Variants in TAFA2 observed in about 807,000 individuals in gnomAD.
The protein encoded by TAFA2 is chemokine-like protein TAFA-2.
A neutral mutation model predicts 18.8 loss-of-function variants in TAFA2; 7 were observed. The observed-to-expected ratio is 0.37, with a 90% CI of 0.21 to 0.70. The LOEUF (loss-of-function observed/expected upper bound fraction) is 0.70. TAFA2 is among the 30% of genes least tolerant of loss of function. The pLI is 0.53. For synonymous variants in TAFA2, 60 were observed against 54.2 expected (o/e 1.11, Z -0.47); for missense variants, 122 against 158.1 (o/e 0.77, Z 1.23).
chr12:62,222,780 C>G (rs10877817), intron 1 of TAFA2, among the ~76,000 whole-genome samples: 23,829 of 151,736 alleles, frequency 0.16, 2,366 homozygotes, highest in East Asian at 0.35. Flanking sequence ...TCCCAAAGTG[C>G]TGGGATTACA....
At chr12:62,143,433 A>G (rs978200141) in intron 1 of TAFA2, among the ~76,000 whole-genome samples, 1 of 152,112 alleles carries the variant, frequency 6.6e-6, no homozygotes, top group African/African-American at 2.4e-5. Context: ...ATAAAACGGA[A>G]TTTTTTCCCC....
At chr12:62,251,952 C>A (rs2062916164) in intron 1 of TAFA2, 1 of 152,378 alleles carries the variant, frequency 6.6e-6, no homozygotes, top group Non-Finnish European at 1.5e-5. Flanking sequence ...TCACCCCATG[C>A]TCCACTCAGA....
intron 1 of TAFA2, among the ~76,000 whole-genome samples, chr12:61,971,145 C>T (rs1317525336): frequency 6.6e-6 from 1 of 151,472 alleles, no homozygotes; most frequent in Non-Finnish European, 1.5e-5. Context: ...ATATAGAATG[C>T]TCATTTGAAA....
Position 61,840,057 on chromosome 12 carries a change from G to C in TAFA2, c.106+27263C>G, listed in dbSNP as rs76070897. On this transcript the variant is annotated intron_variant, in intron 2 of 4. Transcript: ENST00000416284. ...GGAGCTCAGCTTCTCAGGATGTCTG[G>C]AGCAGAGAGCCCACAAAAGGCCAAG... is the stretch of plus-strand genomic sequence containing the variant. 5.5e-3 allele frequency among the ~76,000 whole-genome samples: 834 copies of C among 152,080 alleles called. 10 individuals are homozygous for C. Among genetic ancestry groups the C allele is most frequent in the African/African-American group, 0.019 (779 of 41,512 alleles).
At chr12:62,144,542 T>C (rs1473200159) in intron 1 of TAFA2, among the ~76,000 whole-genome samples, 1 of 152,196 alleles carries the variant, frequency 6.6e-6, no homozygotes, top group African/African-American at 2.4e-5. Flanking sequence ...ACCATTGTGG[T>C]AGTACACAAA....
chr12:62,199,374 A>T (rs928433149), intron 1 of TAFA2, among the ~76,000 whole-genome samples: 7 of 152,108 alleles, frequency 4.6e-5, no homozygotes, highest in African/African-American at 1.7e-4. Context: ...TGCCAACGCC[A>T]TCAGGCCCCT....
At chr12:61,933,409 G>C (rs1255158925) in intron 1 of TAFA2, among the ~76,000 whole-genome samples, 2 of 152,142 alleles carry the variant, frequency 1.3e-5, no homozygotes, top group Non-Finnish European at 2.9e-5. Flanking sequence ...CTCGAAACCA[G>C]GGCTAAAAGA....
chr12:61,996,147 A>G (rs1469895738), intron 1 of TAFA2, among the ~76,000 whole-genome samples: 1 of 152,172 alleles, frequency 6.6e-6, no homozygotes, highest in Non-Finnish European at 1.5e-5. Context: ...GCAGTCAAAT[A>G]ATAAAGAAGT....
intron 1 of TAFA2, among the ~76,000 whole-genome samples, chr12:62,081,145 A>C (rs1379317482): frequency 6.6e-6 from 1 of 152,176 alleles, no homozygotes; most frequent in Non-Finnish European, 1.5e-5. Flanking sequence ...CAGTGAACCG[A>C]GATCGCGCCA....
chr12:61,830,580 T>A (rs1872683026), intron 2 of TAFA2, among the ~76,000 whole-genome samples: 1 of 151,676 alleles, frequency 6.6e-6, no homozygotes, highest in African/African-American at 2.4e-5. Context: ...ATAATAGTCA[T>A]GGGAGACTCA....
At chr12:61,820,224 C>T (rs544962480) in intron 2 of TAFA2, among the ~76,000 whole-genome samples, 140 of 151,992 alleles carry the variant, frequency 9.2e-4, no homozygotes, top group Non-Finnish European at 5.9e-4. Context: ...ATTAACAAGA[C>T]AAGTTTATAA....
intron 1 of TAFA2, among the ~76,000 whole-genome samples, chr12:62,147,322 GTATGTATATATATATATATATATATA>G (rs753541927): frequency 0.13 from 6,509 of 49,396 alleles, 403 homozygotes; most frequent in Non-Finnish European, 0.18. Context: ...GTGTGTGTAT[GTATGTATATATATATATATATATATA>G]TATATATATA....
intron 1 of TAFA2, among the ~76,000 whole-genome samples, chr12:61,908,765 C>T (rs986529690): frequency 3.3e-5 from 5 of 152,098 alleles, no homozygotes; most frequent in African/African-American, 1.2e-4. Flanking sequence ...AGGCAAACCT[C>T]TTTATGGAGC....
intron 4 of TAFA2, among the ~76,000 whole-genome samples, chr12:61,723,252 G>C (rs1386233792): frequency 1.3e-5 from 2 of 151,996 alleles, no homozygotes; most frequent in Non-Finnish European, 2.9e-5. Context: ...ACTAAAATAC[G>C]AGGTATTGGA....
chr12:61,757,889 G>A (rs980271567), intron 2 of TAFA2, among the ~76,000 whole-genome samples: 2 of 152,000 alleles, frequency 1.3e-5, no homozygotes, highest in African/African-American at 2.4e-5. Flanking sequence ...TCCAAAGTCC[G>A]AGTACCTGGA....
chr12:62,053,589 A>G (rs1229059725), intron 1 of TAFA2, among the ~76,000 whole-genome samples: 1 of 152,236 alleles, frequency 6.6e-6, no homozygotes, highest in African/African-American at 2.4e-5. Flanking sequence ...ATTTTAGCCA[A>G]AAATAACACA....
At chr12:61,870,146 G>C (rs550577572) in intron 1 of TAFA2, among the ~76,000 whole-genome samples, 1 of 152,300 alleles carries the variant, frequency 6.6e-6, no homozygotes, top group South Asian at 2.1e-4. Flanking sequence ...ACATTTGGAA[G>C]GCTGTAAGGA....
intron 1 of TAFA2, among the ~76,000 whole-genome samples, chr12:62,158,465 G>A (rs117475914): frequency 8.0e-4 from 121 of 152,200 alleles, no homozygotes; most frequent in Middle Eastern, 3.4e-3. Context: ...TGAGTTCTTC[G>A]CAATTTATTA....
chr12:62,168,096 AGT>A (rs2136937593), intron 1 of TAFA2, among the ~76,000 whole-genome samples: 1 of 152,278 alleles, frequency 6.6e-6, no homozygotes, highest in African/African-American at 2.4e-5. Flanking sequence ...CATGTGTCTG[AGT>A]GTGTGTCTAG....
Sources: gnomAD v4.1 joint callset for allele counts (sites outside exome capture counted in the v4.1 genomes callset) on GRCh38, gnomAD v4.1.1 for gene constraint, MANE v1.5 for transcripts, NCBI Gene and HGNC (gene_info 2026-07-23, HGNC 2026-07-21) for gene names.